The following FGD4 variants were observed in gnomAD, a reference collection of about 807,000 sequenced individuals.
FGD4 encodes the protein FYVE, RhoGEF and PH domain-containing protein 4.
FGD4 carries 42 observed loss-of-function variants against 102.0 expected under a neutral mutation model. That is an observed-to-expected ratio of 0.41 (90% CI 0.32 to 0.53). The LOEUF is 0.53. Ranked by LOEUF, FGD4 falls within the 20% of genes least tolerant of loss-of-function variation. The probability of loss-of-function intolerance (pLI) is 0.21; values close to 1 mark genes in which losing one functional copy is unlikely to be tolerated. For synonymous variants in FGD4, 380 were observed against 375.7 expected (o/e 1.01, Z -0.13); for missense variants, 902 against 1,078.2 (o/e 0.84, Z 2.29).
chr12:32,436,662 G>A (rs1259017655), intron 1 of FGD4, among the ~76,000 whole-genome samples: 1 of 151,922 alleles, frequency 6.6e-6, no homozygotes. Context: ...TAATCCTATC[G>A]TTAAAGGTGT....
intron 1 of FGD4, among the ~76,000 whole-genome samples, chr12:32,561,352 G>T (rs1346230978): frequency 6.6e-6 from 1 of 152,086 alleles, no homozygotes; most frequent in Non-Finnish European, 1.5e-5. Context: ...CTCCCAGAGT[G>T]CTGGGATTAC....
intron 1 of FGD4, among the ~76,000 whole-genome samples, chr12:32,527,680 G>T (rs186899200): frequency 5.3e-5 from 8 of 152,010 alleles, no homozygotes; most frequent in Non-Finnish European, 8.8e-5. Flanking sequence ...CACCCGCCTC[G>T]TCCTCCCAAA....
intron 1 of FGD4, among the ~76,000 whole-genome samples, chr12:32,466,867 CAAAAAAA>C (rs35375727): frequency 2.2e-4 from 14 of 62,806 alleles, no homozygotes; most frequent in Admixed American, 5.7e-4. Flanking sequence ...GAGTCTGTCT[CAAAAAAA>C]AAAAAAAAAA....
intron 1 of FGD4, chr12:32,534,368 C>T: frequency 1.4e-6 from 2 of 1,464,650 alleles, no homozygotes; most frequent in Non-Finnish European, 1.8e-6. Context: ...TAATCTTCAG[C>T]CTCCCTGAAG....
chr12:32,604,899 A>G (rs1289596309), intron 7 of FGD4, among the ~76,000 whole-genome samples: 1 of 144,894 alleles, frequency 6.9e-6, no homozygotes, highest in Non-Finnish European at 1.5e-5. Context: ...CTAAAATGCA[A>G]ATATTGTTTT....
At chr12:32,465,853 A>G (rs1943239698) in intron 1 of FGD4, among the ~76,000 whole-genome samples, 3 of 152,132 alleles carry the variant, frequency 2.0e-5, no homozygotes, top group Admixed American at 6.5e-5. Context: ...GTCACTGGTC[A>G]CTGCAACGTT....
chr12:32,595,026 G>A (rs1215052307), intron 4 of FGD4, among the ~76,000 whole-genome samples: 42 of 105,528 alleles, frequency 4.0e-4, no homozygotes, highest in African/African-American at 1.3e-3. Flanking sequence ...GCGAGACTCC[G>A]TCTAAAAAAA....
At chr12:32,547,755 G>A (rs1488334353) in intron 1 of FGD4, among the ~76,000 whole-genome samples, 4 of 152,224 alleles carry the variant, frequency 2.6e-5, no homozygotes. Context: ...TGCCCAGGCT[G>A]GAGTGCAGTG....
intron 1 of FGD4, among the ~76,000 whole-genome samples, chr12:32,497,004 C>T (rs1426048266): frequency 6.6e-6 from 1 of 152,044 alleles, no homozygotes; most frequent in East Asian, 1.9e-4. Context: ...TGAAAATATC[C>T]CTGGGGCATT....
intron 1 of FGD4, among the ~76,000 whole-genome samples, chr12:32,522,087 T>C (rs1420594004): frequency 6.6e-6 from 1 of 152,234 alleles, no homozygotes. Context: ...TCCCTTTTTA[T>C]CTTTGACCTT....
chr12:32,640,660 G>T lies in FGD4; in HGVS notation c.*127G>T, dbSNP rs1951117050. The T allele has an allele frequency of 2.3e-6, 3 of 1,304,434 alleles. No homozygotes were observed. The highest frequency in any genetic ancestry group is 3.2e-6 in the Non-Finnish European group (3 of 929,488). The allele number at this position is 1,304,434 out of a possible 1,614,324, so 80.8% of individuals were successfully genotyped here. ...TAGGCCCATAAATGCATCTTTTGAGGACTATTTTCCTATGTTTATGTACTC... is the reference window on the plus strand; with the variant it reads ...TAGGCCCATAAATGCATCTTTTGAGTACTATTTTCCTATGTTTATGTACTC... On this transcript the variant is annotated 3_prime_UTR_variant, in exon 17 of 17. Coordinates refer to ENST00000534526, the MANE Select transcript of FGD4 (RefSeq NM_001370298.3).
rs1278094948 is a variant in FGD4 at position 32,644,851 on chromosome 12, T to C, written c.*4318T>C. The C allele has an allele frequency of 6.6e-6, 1 of 151,850 alleles. No homozygotes were observed. Among genetic ancestry groups the C allele is most frequent in the African/African-American group, 2.4e-5 (1 of 41,234 alleles). 9.4% of individuals were successfully genotyped at this position (151,850 alleles called of 1,614,324 possible). On this transcript the variant is annotated 3_prime_UTR_variant, in exon 17 of 17. Coordinates refer to ENST00000534526, the MANE Select transcript of FGD4 (RefSeq NM_001370298.3). ...CTCCTTTGGGCTTTTAAAAAATAAT[T>C]TCATTCTCAGATCATTTTCTGTACT...
At chr12:32,616,815 A>C (rs1949478787) in intron 10 of FGD4, among the ~76,000 whole-genome samples, 1 of 152,220 alleles carries the variant, frequency 6.6e-6, no homozygotes, top group Admixed American at 6.5e-5. Flanking sequence ...TGTTTAATGT[A>C]AGCCATTTCA....
At chr12:32,442,998 G>C (rs1942495714) in intron 1 of FGD4, among the ~76,000 whole-genome samples, 1 of 152,074 alleles carries the variant, frequency 6.6e-6, no homozygotes, top group Admixed American at 6.6e-5. Flanking sequence ...TGTCTATTCA[G>C]GTATTTTGCC....
At chr12:32,554,750 A>AT (rs1284594613) in intron 1 of FGD4, among the ~76,000 whole-genome samples, 1 of 152,260 alleles carries the variant, frequency 6.6e-6, no homozygotes, top group Non-Finnish European at 1.5e-5. Context: ...TTTAAAAAAG[A>AT]TAAAGCAATT....
At position 32,643,068 on chromosome 12, in the gene FGD4, T is replaced by A. The variant is rs1951240827; in HGVS notation, c.*2535T>A. The A allele has an allele frequency of 6.6e-6, 1 of 152,570 alleles. No individual in the cohort carries two copies. The highest frequency in any genetic ancestry group is 2.4e-5 in the African/African-American group (1 of 41,466). The allele number at this position is 152,570 out of a possible 1,614,324, so 9.5% of individuals were successfully genotyped here. ...TTTCCAAGTCATCTTTTCTTTAAAG[T>A]GCCCTTCCTCCAAACTTTAAAAAGT... On this transcript the variant is annotated 3_prime_UTR_variant, in exon 17 of 17. Transcript: ENST00000534526.
intron 2 of FGD4, among the ~76,000 whole-genome samples, chr12:32,570,420 A>AGTTTATTT (rs1945565550): frequency 6.6e-6 from 1 of 151,408 alleles, no homozygotes; most frequent in African/African-American, 2.4e-5. Context: ...AGTGCATAGG[A>AGTTTATTT]GTTTATTTAT....
At chr12:32,509,661 A>G (rs534237954) in intron 1 of FGD4, among the ~76,000 whole-genome samples, 3 of 152,358 alleles carry the variant, frequency 2.0e-5, no homozygotes, top group Non-Finnish European at 4.4e-5. Flanking sequence ...GTTGCAAGAA[A>G]TAGAATCCCC....
intron 10 of FGD4, 60 bp downstream of exon 10, chr12:32,611,343 C>T (rs1157432870): frequency 3.9e-5 from 63 of 1,596,392 alleles, no homozygotes; most frequent in African/African-American, 6.7e-5. Context: ...TGGCTGGGCA[C>T]GGTGGCTCAT....
Sources: allele counts gnomAD v4.1 joint callset (sites outside exome capture counted in the v4.1 genomes callset), GRCh38; gene constraint gnomAD v4.1.1; transcripts MANE v1.5; gene names NCBI Gene and HGNC (gene_info 2026-07-23, HGNC 2026-07-21).